The following TFAP2A variants were observed in gnomAD, a reference collection of about 807,000 sequenced individuals.
TFAP2A encodes transcription factor AP-2-alpha.
A neutral mutation model predicts 41.5 loss-of-function variants in TFAP2A; 7 were observed. The observed-to-expected ratio is 0.17, with a 90% CI of 0.10 to 0.32. The LOEUF (loss-of-function observed/expected upper bound fraction) is 0.32, where lower values mean the gene tolerates loss of function less well. Among genes scored for constraint, TFAP2A ranks in the 10% least tolerant of loss-of-function variants. The pLI, the probability that TFAP2A is intolerant of heterozygous loss-of-function variation, is 1.00. For synonymous variants in TFAP2A, 247 were observed against 242.8 expected, an observed-to-expected ratio of 1.02 and a Z score of -0.16; for missense variants, 416 against 563.3, an observed-to-expected ratio of 0.74 and a Z score of 2.65.
At chr6:10,414,692 A>AT in intron 1 of TFAP2A, 1 of 621,558 alleles carries the variant, frequency 1.6e-6, no homozygotes, top group Non-Finnish European at 2.9e-6. Flanking sequence ...CACAGCCAAA[A>AT]TTGGTCAGAA....
intron 1 of TFAP2A, chr6:10,412,873 G>C (rs990490141): frequency 4.5e-5 from 7 of 155,010 alleles, no homozygotes; most frequent in African/African-American, 1.7e-4. Context: ...GGCACCGTGC[G>C]CTCCCCGGCC....
Position 10,400,658 on chromosome 6 carries a change from C to T in TFAP2A, c.890-69G>A, listed in dbSNP as rs543771650. The T allele has an allele frequency of 3.2e-6, 5 of 1,546,734 alleles. No homozygotes were observed. The South Asian group carries it at 3.3e-5, about 10-fold the overall frequency. ...AGTGGGGATCCTAACTTCCTCCCCA[C>T]TCCCAACTCCCTAATTCCCTTCACC... On this transcript the variant is annotated intron_variant, in intron 5 of 6. Transcript: ENST00000379613.
In TFAP2A at chr6:10,398,501, G is replaced by C. The variant is rs1761878075; in HGVS notation, c.1236C>G (p.Asp412Glu). The stretch of plus-strand genomic sequence containing the variant: ...TGGGGTTGTTGCTGAGGTACATTTT[G>C]TCCATGGCCTTGAGGGCCTCGGTGA... ...NYLTEALKAM[D>E]KMYLSNNPNS... Residue 412 changes from aspartate to glutamate, a missense_variant, in exon 7 of 7, where the codon GAC (aspartate) becomes GAG (glutamate). Physicochemically the swap from Asp to Glu is conservative, Grantham distance 45. This residue lies in a region of TFAP2A where 116 missense variants were observed against 153.8 expected (regional missense o/e 0.75). Transcript: ENST00000379613. This position sits in a 1 kb window ranked among gnomAD's most constrained non-coding sequence, Gnocchi z 5.3. 1 of 1,614,204 alleles carries C rather than the reference G, an allele frequency of 6.2e-7. No homozygotes were observed.
At chr6:10,418,090 A>C (rs1758309487), upstream of TFAP2A, 1 of 152,258 alleles carries the variant, frequency 6.6e-6, no homozygotes, top group African/African-American at 2.4e-5. Flanking sequence ...AAAGGTGTGG[A>C]TTCCCGGGAT....
intron 1 of TFAP2A, among the ~76,000 whole-genome samples, chr6:10,413,058 C>A (rs1452530028): frequency 2.0e-5 from 3 of 152,198 alleles, no homozygotes; most frequent in African/African-American, 4.8e-5. Flanking sequence ...GACGCCCCCC[C>A]AGATGACACG....
chr6:10,415,767 C>T (rs1281852855), upstream of TFAP2A: 3 of 152,404 alleles, frequency 2.0e-5, no homozygotes, highest in East Asian at 1.9e-4. Context: ...AAGGGATCGC[C>T]TCCGCTCGAG....
intron 1 of TFAP2A, among the ~76,000 whole-genome samples, chr6:10,413,264 CCT>C (rs895421052): frequency 6.6e-6 from 1 of 152,100 alleles, no homozygotes; most frequent in African/African-American, 2.4e-5. Flanking sequence ...ACTTTATTCT[CCT>C]CTCTCTCTCA....
At chr6:10,408,420 T>C (rs1007856211) in intron 2 of TFAP2A, among the ~76,000 whole-genome samples, 1 of 152,206 alleles carries the variant, frequency 6.6e-6, no homozygotes, top group African/African-American at 2.4e-5. Flanking sequence ...TTCACAGTAG[T>C]TCCAAAAGCT....
intron 1 of TFAP2A, chr6:10,411,479 T>G: frequency 6.2e-7 from 1 of 1,609,430 alleles, no homozygotes; most frequent in African/African-American, 1.3e-5. Flanking sequence ...AAGCTGGGCG[T>G]GAAACCCGAG....
intron 6 of TFAP2A, among the ~76,000 whole-genome samples, chr6:10,399,379 C>A (rs1761918738): frequency 6.6e-6 from 1 of 152,270 alleles, no homozygotes; most frequent in African/African-American, 2.4e-5. Flanking sequence ...CATTCCTCCT[C>A]TTTCCCCACA....
upstream of TFAP2A, chr6:10,416,429 G>GGAA (rs796506238): frequency 2.1e-5 from 3 of 142,456 alleles, no homozygotes; most frequent in Admixed American, 6.9e-5. Context: ...TTTTAAGTAA[G>GGAA]AAAAAAAAAA....
rs1761896230 is a variant in TFAP2A at position 10,398,805 on chromosome 6, G to T, written c.1032-100C>A. On this transcript the variant is annotated intron_variant, in intron 6 of 6. Coordinates refer to ENST00000379613, the MANE Select transcript of TFAP2A (RefSeq NM_001372066.1). The surrounding 1 kb of genome is among the most constrained non-coding windows in gnomAD (Gnocchi z 5.3). ...CCCTCCCTGCAGCTACCTCTGCCGG[G>T]ATCCAGCCGGTACCTGACATGACCC... The T allele has an allele frequency of 2.2e-5, 31 of 1,414,176 alleles. No individual in the cohort carries two copies. Among genetic ancestry groups the T allele is most frequent in the Non-Finnish European group, 3.0e-5 (31 of 1,039,672 alleles). 87.6% of individuals were successfully genotyped at this position (1,414,176 alleles called of 1,614,324 possible).
At chr6:10,405,535 C>T (rs1757672001) in intron 3 of TFAP2A, 1 of 151,868 alleles carries the variant, frequency 6.6e-6, no homozygotes, top group South Asian at 2.1e-4. Context: ...GGTATATATA[C>T]TTCCTAGTTA....
chr6:10,398,023 T>C lies in TFAP2A; in HGVS notation c.*394A>G. ...AATTTTTTTTATTTTCACTTTTTTT[T>C]TAGAAAAAAGTTTTTAATTTTTGTT... On this transcript the variant is annotated 3_prime_UTR_variant, in exon 7 of 7. Coordinates refer to ENST00000379613, the MANE Select transcript of TFAP2A (RefSeq NM_001372066.1). The surrounding 1 kb of genome is among the most constrained non-coding windows in gnomAD (Gnocchi z 5.3). 9.3e-7 allele frequency: 1 copy of C among 1,074,148 alleles called. No homozygotes were observed. The highest frequency in any genetic ancestry group is 1.1e-6 in the Non-Finnish European group (1 of 885,048). 66.5% of individuals were successfully genotyped at this position (1,074,148 alleles called of 1,614,324 possible).
At chr6:10,408,199 T>C (rs1338547582) in intron 2 of TFAP2A, among the ~76,000 whole-genome samples, 2 of 152,210 alleles carry the variant, frequency 1.3e-5, no homozygotes, top group African/African-American at 4.8e-5. Flanking sequence ...TGGGAAAAAA[T>C]TGAAAACAAC....
Position 10,398,531 on chromosome 6 carries a change from G to T in TFAP2A, c.1206C>A (p.Asn402Lys), listed in dbSNP as rs1325930703. 1 of 1,614,136 alleles carries T rather than the reference G, an allele frequency of 6.2e-7. No homozygotes were observed. Among genetic ancestry groups the T allele is most frequent in the Admixed American group, 1.7e-5 (1 of 60,016 alleles). Residue 402 changes from asparagine to lysine, a missense_variant, in exon 7 of 7, where the codon AAC becomes AAA. Transcript: ENST00000379613. This position sits in a 1 kb window ranked among gnomAD's most constrained non-coding sequence, Gnocchi z 5.3. ...TGGCCTTGAGGGCCTCGGTGAGATA[G>T]TTCTGCAGGGCCGTGACCGCGGCAC... The part of the protein sequence containing the change: ...AVCAAVTALQ[N>K]YLTEALKAMD...
At chr6:10,419,529 C>T (rs1466776972), upstream of TFAP2A, 1 of 1,580,794 alleles carries the variant, frequency 6.3e-7, no homozygotes, top group Non-Finnish European at 8.7e-7. Flanking sequence ...CCTGGAATCG[C>T]TTAGGCAAAT....
rs1464302120 is a variant in TFAP2A at position 10,409,933 on chromosome 6, G to A, written c.454C>T (p.His152Tyr). ...LSSGLGDLSI[H>Y]SLPHAIEEVP... ...TCCTCGATGGCGTGAGGTAAGGAGT[G>A]GATCGAGAGGTCTCCGAGTCCTGAG... Residue 152 changes from histidine (H) to tyrosine (Y), a missense_variant, in exon 2 of 7, where the codon CAC (histidine) becomes TAC (tyrosine). By Grantham distance (83) the His-to-Tyr change is moderately conservative. Transcript: ENST00000379613. 28 of 1,555,296 alleles carry A rather than the reference G, an allele frequency of 1.8e-5. No homozygotes were observed. Among genetic ancestry groups the A allele is most frequent in the Non-Finnish European group, 2.4e-5 (28 of 1,149,050 alleles).
intron 4 of TFAP2A, 44 bp downstream of exon 4, chr6:10,404,464 C>A: frequency 1.4e-6 from 2 of 1,429,284 alleles, no homozygotes; most frequent in African/African-American, 3.0e-5. Context: ...GCAGTGGTTC[C>A]CCCGGCCGCG....
Sources: gnomAD v4.1 joint callset for allele counts (sites outside exome capture counted in the v4.1 genomes callset) on GRCh38, gnomAD v4.1.1 for gene constraint, gnomAD v4.1.1 regional missense constraint, Gnocchi (gnomAD v3.1) non-coding constraint, MANE v1.5 for transcripts, NCBI Gene and HGNC (gene_info 2026-07-23, HGNC 2026-07-21) for gene names.